RAD51B: variants seen among roughly 807,000 people sequenced by gnomAD.
RAD51B encodes RAD51 paralog B.
RAD51B carries 38 observed loss-of-function variants against 42.2 expected under a neutral mutation model. The observed-to-expected ratio is 0.90, with a 90% CI of 0.70 to 1.18. The LOEUF is 1.18. RAD51B is among the 50% of genes most tolerant of loss of function. The pLI is 0.00. For missense variants in RAD51B, 373 were observed against 400.7 expected, an observed-to-expected ratio of 0.93 and a Z score of 0.59; for synonymous variants, 154 against 145.2, an observed-to-expected ratio of 1.06 and a Z score of -0.43.
chr14:67,966,370 A>G (rs2074777357), intron 7 of RAD51B, among the ~76,000 whole-genome samples: 2 of 152,210 alleles, frequency 1.3e-5, no homozygotes, highest in Non-Finnish European at 2.9e-5. Flanking sequence ...CTGCCTAGTC[A>G]TGCTTCTCCC....
In RAD51B at chr14:67,885,891, C is replaced by A; in HGVS notation, c.475C>A (p.Arg159Ser). 2 of 1,608,318 alleles carry A rather than the reference C, an allele frequency of 1.2e-6. No individual in the cohort carries two copies. The highest frequency in any genetic ancestry group is 2.2e-5 in the South Asian group (2 of 90,518). ...AERLVEIAES[R>S]FPRYFNTEEK... The stretch of plus-strand genomic sequence containing the variant: ...CAGACTGGTTGAAATAGCAGAATCC[C>A]GTTTTCCCAGATATTTTAACACTGA... Residue 159 changes from arginine to serine, a missense_variant, in exon 6 of 11, where the codon CGT becomes AGT. Physicochemically the swap from Arg to Ser is moderately radical, Grantham distance 110. Transcript: ENST00000471583.
chr14:68,607,159 G>A lies in RAD51B; in HGVS notation c.1037-3847G>A, dbSNP rs188869444. On this transcript the variant is annotated intron_variant, in intron 10 of 10. Coordinates refer to the RAD51B transcript ENST00000487861. ...CGGGCGGGCCACTGAGGGAAACACA[G>A]TGTAGTGCACCCAGCCCCTCTGAGC... 7.9e-5 allele frequency among the ~76,000 whole-genome samples: 12 copies of A among 152,330 alleles called. No homozygotes were observed. The East Asian group carries it at 1.3e-3, about 17-fold the overall frequency.
At chr14:68,487,392 G>A (rs1159707801) in intron 10 of RAD51B, among the ~76,000 whole-genome samples, 2 of 151,944 alleles carry the variant, frequency 1.3e-5, no homozygotes, top group Non-Finnish European at 2.9e-5. Flanking sequence ...TCCATTGTAT[G>A]TTTTTTGGTT....
intron 7 of RAD51B, among the ~76,000 whole-genome samples, chr14:67,889,408 A>G (rs1236969200): frequency 1.3e-5 from 2 of 150,830 alleles, no homozygotes; most frequent in East Asian, 3.9e-4. Flanking sequence ...CAAATTAATT[A>G]TGTCAATTTA....
intron 11 of RAD51B, among the ~76,000 whole-genome samples, chr14:68,655,677 G>A (rs1051760486): frequency 3.3e-5 from 5 of 152,210 alleles, no homozygotes; most frequent in Non-Finnish European, 4.4e-5. Context: ...CACCCGCGGG[G>A]CACTCTGGCA....
At position 68,611,238 on chromosome 14, in the gene RAD51B, T is replaced by C. The variant is rs529498585; in HGVS notation, c.1269T>C (p.His423=). 1.2e-4 allele frequency: 82 copies of C among 703,070 alleles called. 1 individual carries two copies. The South Asian group carries it at 1.2e-3, about 10-fold the overall frequency. The allele number at this position is 703,070 out of a possible 1,614,324, so 43.6% of individuals were successfully genotyped here. A position where few individuals can be genotyped will look rare whatever the true frequency, so the allele number is the denominator to read the frequency against. ...TCAGAACAGAGACTTTGGATGAGCA[T>C]CCAGTGTAACCCAGCCTAGTTTTTC... The change falls in exon 11 of 11, where the codon CAT becomes CAC. Residue 423 remains histidine, a synonymous_variant. Transcript: ENST00000487861.
At chr14:67,895,709 G>C (rs1441313507) in intron 7 of RAD51B, among the ~76,000 whole-genome samples, 3 of 152,086 alleles carry the variant, frequency 2.0e-5, no homozygotes, top group African/African-American at 4.8e-5. Flanking sequence ...TTAAGTCTTA[G>C]TTTAGGATAT....
chr14:68,190,784 G>C (rs899374932), intron 7 of RAD51B, among the ~76,000 whole-genome samples: 1 of 152,124 alleles, frequency 6.6e-6, no homozygotes, highest in Non-Finnish European at 1.5e-5. Flanking sequence ...GTCCATTTAG[G>C]ATGTAATCTG....
At chr14:68,371,060 A>AAAAAAAAAAAAAATAAAAAAAAAAAAT (rs2083250931) in intron 8 of RAD51B, among the ~76,000 whole-genome samples, 1 of 145,470 alleles carries the variant, frequency 6.9e-6, no homozygotes, top group African/African-American at 2.6e-5. Context: ...AAAAAAGAAA[A>AAAAAAAAAAAAAATAAAAAAAAAAAAT]AAAGAAAAGA....
intron 7 of RAD51B, among the ~76,000 whole-genome samples, chr14:67,964,134 G>T (rs564857246): frequency 4.6e-4 from 70 of 151,690 alleles, no homozygotes; most frequent in African/African-American, 1.6e-3. Flanking sequence ...CAATTTTATT[G>T]TACTCATGTC....
chr14:68,072,470 A>C (rs1171237565), intron 7 of RAD51B, among the ~76,000 whole-genome samples: 1 of 152,042 alleles, frequency 6.6e-6, no homozygotes, highest in African/African-American at 2.4e-5. Context: ...GGCTAGGCTC[A>C]TCTCGTCACT....
At chr14:67,869,737 C>A (rs556152858) in intron 5 of RAD51B, among the ~76,000 whole-genome samples, 258 of 152,316 alleles carry the variant, frequency 1.7e-3, no homozygotes, top group African/African-American at 6.0e-3. Context: ...CAGCAGATCT[C>A]TTGGCAGAAA....
At chr14:67,989,472 C>T (rs1198419632) in intron 7 of RAD51B, among the ~76,000 whole-genome samples, 1 of 151,758 alleles carries the variant, frequency 6.6e-6, no homozygotes, top group Admixed American at 6.6e-5. Context: ...CCCATCTCTA[C>T]TAAAAATACA....
At chr14:68,004,247 G>A (rs747310038) in intron 7 of RAD51B, among the ~76,000 whole-genome samples, 5 of 150,698 alleles carry the variant, frequency 3.3e-5, no homozygotes, top group South Asian at 4.2e-4. Context: ...GCAGGAGAAC[G>A]GCGTGAACCC....
intron 7 of RAD51B, among the ~76,000 whole-genome samples, chr14:68,197,959 T>C (rs2140918228): frequency 3.3e-5 from 5 of 151,676 alleles, no homozygotes; most frequent in Middle Eastern, 3.4e-3. Context: ...TACTGGTGTC[T>C]TTATTGAGCA....
chr14:68,601,390 G>A (rs911893935), intron 10 of RAD51B, among the ~76,000 whole-genome samples: 1 of 152,034 alleles, frequency 6.6e-6, no homozygotes, highest in Admixed American at 6.6e-5. Context: ...TTTTCATGTC[G>A]GCTATAGTTT....
intron 7 of RAD51B, among the ~76,000 whole-genome samples, chr14:68,147,758 T>C (rs994794776): frequency 1.3e-5 from 2 of 151,408 alleles, no homozygotes; most frequent in African/African-American, 4.9e-5. Flanking sequence ...GAAGGAATTA[T>C]TGTGAGAGTG....
At chr14:68,509,161 G>C (rs1055421009) in intron 10 of RAD51B, among the ~76,000 whole-genome samples, 2 of 152,382 alleles carry the variant, frequency 1.3e-5, no homozygotes, top group Middle Eastern at 6.8e-3. Context: ...GGTGAGTGTA[G>C]TCTGGCCTGT....
chr14:67,895,742 T>A (rs963725235), intron 7 of RAD51B, among the ~76,000 whole-genome samples: 1 of 152,192 alleles, frequency 6.6e-6, no homozygotes, highest in African/African-American at 2.4e-5. Flanking sequence ...AAAGTTCTCT[T>A]CCTTCTGGCT....
Sources: allele counts gnomAD v4.1 joint callset (sites outside exome capture counted in the v4.1 genomes callset), GRCh38; gene constraint gnomAD v4.1.1; transcripts MANE v1.5; gene names NCBI Gene and HGNC (gene_info 2026-07-23, HGNC 2026-07-21).